Variants in FHIT observed in about 807,000 individuals in gnomAD.
FHIT encodes the protein bis(5'-adenosyl)-triphosphatase.
In FHIT, 19 loss-of-function variants were observed where a neutral mutation model predicts 17.9. The observed-to-expected ratio is 1.06, with a 90% CI of 0.74 to 1.56. The LOEUF is 1.56. Among genes scored for constraint, FHIT ranks in the 40% most tolerant of loss-of-function variants. The pLI, the probability that FHIT is intolerant of heterozygous loss-of-function variation, is 0.00. For synonymous variants in FHIT, 81 were observed against 69.7 expected, an observed-to-expected ratio of 1.16 and a Z score of -0.81; for missense variants, 248 against 189.2, an observed-to-expected ratio of 1.31 and a Z score of -1.82.
At chr3:60,340,631 ATAAT>A (rs1382707593) in intron 5 of FHIT, among the ~76,000 whole-genome samples, 3 of 152,214 alleles carry the variant, frequency 2.0e-5, no homozygotes, top group Admixed American at 6.5e-5. Flanking sequence ...GGGCTGCAGG[ATAAT>A]TAATTATTGA....
chr3:59,779,956 G>A (rs2106874695), intron 8 of FHIT, among the ~76,000 whole-genome samples: 1 of 152,296 alleles, frequency 6.6e-6, no homozygotes, highest in South Asian at 2.1e-4. Flanking sequence ...GGAGTAAAAT[G>A]GACTTTCCTG....
intron 8 of FHIT, among the ~76,000 whole-genome samples, chr3:59,771,133 A>G (rs1352508631): frequency 6.6e-6 from 1 of 152,220 alleles, no homozygotes; most frequent in African/African-American, 2.4e-5. Flanking sequence ...CTCTTCTCAC[A>G]TAAGACAATA....
chr3:60,404,478 CAA>C (rs1399889812), intron 5 of FHIT, among the ~76,000 whole-genome samples: 2 of 152,074 alleles, frequency 1.3e-5, no homozygotes, highest in Non-Finnish European at 2.9e-5. Context: ...CTTCATTCTT[CAA>C]AATAAGGTTT....
intron 4 of FHIT, among the ~76,000 whole-genome samples, chr3:60,770,932 C>T (rs2108074010): frequency 6.6e-6 from 1 of 152,346 alleles, no homozygotes; most frequent in African/African-American, 2.4e-5. Flanking sequence ...TTTTCCTTCT[C>T]CCACTTTCAA....
chr3:59,842,549 T>A (rs374665961), intron 8 of FHIT, among the ~76,000 whole-genome samples: 2 of 152,190 alleles, frequency 1.3e-5, no homozygotes, highest in South Asian at 2.1e-4. Context: ...GCACATGAGT[T>A]CCAATTTCTC....
intron 4 of FHIT, among the ~76,000 whole-genome samples, chr3:60,727,228 C>T (rs1330601929): frequency 6.6e-6 from 1 of 151,998 alleles, no homozygotes; most frequent in Admixed American, 6.5e-5. Context: ...GTAATAAAAG[C>T]TCACAATATA....
At chr3:60,016,488 C>A (rs1197209554) in intron 5 of FHIT, among the ~76,000 whole-genome samples, 4 of 152,200 alleles carry the variant, frequency 2.6e-5, no homozygotes, top group African/African-American at 9.7e-5. Context: ...TCCATCCCAA[C>A]ACTGCAGTCT....
At chr3:61,200,104 A>G (rs775731242) in intron 2 of FHIT, among the ~76,000 whole-genome samples, 2 of 152,224 alleles carry the variant, frequency 1.3e-5, no homozygotes, top group Non-Finnish European at 2.9e-5. Flanking sequence ...TTTAGGGCTC[A>G]GAGTGACTGG....
chr3:60,716,904 C>G (rs150252570), intron 4 of FHIT, among the ~76,000 whole-genome samples: 1 of 152,136 alleles, frequency 6.6e-6, no homozygotes, highest in Admixed American at 6.6e-5. Flanking sequence ...TGCAGTCTGT[C>G]ATTGACCAGA....
At chr3:60,606,200 G>T (rs2038602873) in intron 4 of FHIT, among the ~76,000 whole-genome samples, 1 of 151,428 alleles carries the variant, frequency 6.6e-6, no homozygotes, top group African/African-American at 2.4e-5. Context: ...AACATCACTT[G>T]TTCAGTTTTG....
chr3:60,729,409 G>C (rs528220084), intron 4 of FHIT, among the ~76,000 whole-genome samples: 5 of 152,276 alleles, frequency 3.3e-5, no homozygotes, highest in African/African-American at 1.2e-4. Flanking sequence ...TCAATTTTAA[G>C]TGGAGGTGAC....
chr3:60,115,368 G>T (rs911229325), intron 5 of FHIT, among the ~76,000 whole-genome samples: 2 of 152,106 alleles, frequency 1.3e-5, no homozygotes, highest in Non-Finnish European at 2.9e-5. Flanking sequence ...GTAGTTCACA[G>T]AATAAGAAAT....
chr3:60,585,098 A>G (rs2037864634), intron 4 of FHIT, among the ~76,000 whole-genome samples: 1 of 152,050 alleles, frequency 6.6e-6, no homozygotes, highest in Non-Finnish European at 1.5e-5. Context: ...ATTTATAGCT[A>G]CTAGGTGAGC....
intron 4 of FHIT, among the ~76,000 whole-genome samples, chr3:60,697,434 A>G (rs897208734): frequency 2.6e-5 from 4 of 152,122 alleles, no homozygotes; most frequent in African/African-American, 9.7e-5. Flanking sequence ...TACAAATTAT[A>G]TTTCACAATT....
intron 8 of FHIT, among the ~76,000 whole-genome samples, chr3:59,871,953 T>C (rs896802874): frequency 8.5e-5 from 13 of 152,162 alleles, no homozygotes; most frequent in African/African-American, 3.1e-4. Context: ...TAAACAGCGG[T>C]GATAAATGCA....
chr3:59,941,438 A>G (rs933448669), intron 7 of FHIT, among the ~76,000 whole-genome samples: 12 of 152,022 alleles, frequency 7.9e-5, no homozygotes, highest in African/African-American at 2.7e-4. Context: ...CTCTTTCTCT[A>G]TCTCTTGTCT....
chr3:60,892,296 C>T (rs1286143351), intron 3 of FHIT, among the ~76,000 whole-genome samples: 2 of 152,100 alleles, frequency 1.3e-5, no homozygotes, highest in African/African-American at 4.8e-5. Context: ...CATAGCCTCC[C>T]CTGGAAGGCA....
chr3:60,147,210 T>C (rs569440587), intron 5 of FHIT, among the ~76,000 whole-genome samples: 1 of 152,284 alleles, frequency 6.6e-6, no homozygotes, highest in Admixed American at 6.5e-5. Context: ...ATACAAAGCT[T>C]TCCAAAACCT....
Position 60,533,645 on chromosome 3 carries a change from TC to T in FHIT, c.103+3214del, listed in dbSNP as rs200593936. 4.1e-3 allele frequency among the ~76,000 whole-genome samples: 631 copies of T among 152,204 alleles called. 3 individuals carry two copies. The highest frequency in any genetic ancestry group is 0.014 in the African/African-American group (585 of 41,546). The stretch of plus-strand genomic sequence containing the variant: ...AGCAGGGGACAGTTATCAAAGCACT[TC>T]AGATGAAATGAAAAGCATGGGGAGG... On this transcript the variant is annotated intron_variant, in intron 5 of 9. Coordinates refer to ENST00000492590, the MANE Select transcript of FHIT (RefSeq NM_002012.4).
Sources: allele counts gnomAD v4.1 joint callset (sites outside exome capture counted in the v4.1 genomes callset), GRCh38; gene constraint gnomAD v4.1.1; transcripts MANE v1.5; gene names NCBI Gene and HGNC (gene_info 2026-07-23, HGNC 2026-07-21).